THSD4: variants seen among roughly 807,000 people sequenced by gnomAD.
THSD4 encodes thrombospondin type-1 domain-containing protein 4.
Under a neutral mutation model 119.0 loss-of-function variants are expected in THSD4, and 69 were observed. The observed-to-expected ratio is 0.58, with a 90% CI of 0.48 to 0.71. THSD4 has a LOEUF of 0.71. Among genes scored for constraint, THSD4 ranks in the 30% least tolerant of loss-of-function variants. The pLI, the probability that THSD4 is intolerant of heterozygous loss-of-function variation, is 0.00. For synonymous variants in THSD4, 524 were observed against 540.4 expected, an observed-to-expected ratio of 0.97 and a Z score of 0.42; for missense variants, 1,393 against 1,391.1, an observed-to-expected ratio of 1.00 and a Z score of -0.02.
At chr15:71,574,962 T>C (rs7166967) in intron 7 of THSD4, among the ~76,000 whole-genome samples, 26,351 of 152,082 alleles carry the variant, frequency 0.17, 2,781 homozygotes, top group East Asian at 0.49. Context: ...CATTATAGTC[T>C]TCTGTGGAAT....
chr15:71,180,447 G>A (rs1045278196), intron 3 of THSD4, among the ~76,000 whole-genome samples: 5 of 152,130 alleles, frequency 3.3e-5, no homozygotes, highest in Non-Finnish European at 4.4e-5. Context: ...GGTTACCAAC[G>A]GCTACAAAAA....
intron 7 of THSD4, among the ~76,000 whole-genome samples, chr15:71,579,415 T>C (rs34865359): frequency 0.57 from 86,016 of 151,836 alleles, 28,149 homozygotes; most frequent in Non-Finnish European, 0.74. Context: ...GGAGTTCCGA[T>C]GAGAAAGGGA....
intron 1 of THSD4, among the ~76,000 whole-genome samples, chr15:71,104,572 A>G (rs1414015091): frequency 6.6e-6 from 1 of 152,228 alleles, no homozygotes; most frequent in Non-Finnish European, 1.5e-5. Flanking sequence ...ACCATGGCCT[A>G]GAGAACACAG....
intron 7 of THSD4, among the ~76,000 whole-genome samples, chr15:71,546,441 C>T (rs1349198170): frequency 6.6e-6 from 1 of 152,150 alleles, no homozygotes; most frequent in African/African-American, 2.4e-5. Flanking sequence ...TAGGAAGACC[C>T]TTTTCCCAGC....
intron 3 of THSD4, among the ~76,000 whole-genome samples, chr15:71,161,652 CT>C (rs748048483): frequency 2.8e-4 from 43 of 151,770 alleles, no homozygotes; most frequent in Non-Finnish European, 3.5e-4. Context: ...AGGTGAGTTT[CT>C]TTTAGGCACC....
intron 3 of THSD4, among the ~76,000 whole-genome samples, chr15:71,164,312 TA>T (rs1225987192): frequency 1.3e-5 from 2 of 149,762 alleles, no homozygotes; most frequent in Non-Finnish European, 3.0e-5. Flanking sequence ...ACAATACTAA[TA>T]AAAAAATTGT....
intron 7 of THSD4, among the ~76,000 whole-genome samples, chr15:71,648,746 T>C (rs2140976481): frequency 6.6e-6 from 1 of 152,206 alleles, no homozygotes; most frequent in East Asian, 1.9e-4. Context: ...GGTAGAGAAG[T>C]ATATGTAGCT....
At chr15:71,111,678 C>T (rs2141344621), upstream of THSD4, 2 of 550,994 alleles carry the variant, frequency 3.6e-6, no homozygotes, top group South Asian at 4.8e-5. Flanking sequence ...GATCCTGGTA[C>T]CTCCTTCAGA....
intron 8 of THSD4, among the ~76,000 whole-genome samples, chr15:71,719,019 T>C (rs2141108130): frequency 6.6e-6 from 1 of 152,328 alleles, no homozygotes; most frequent in South Asian, 2.1e-4. Context: ...TCATACAACA[T>C]TATTTGAGGC....
intron 6 of THSD4, among the ~76,000 whole-genome samples, chr15:71,302,546 TTGA>T (rs1271039592): frequency 2.0e-5 from 3 of 152,052 alleles, no homozygotes; most frequent in Non-Finnish European, 4.4e-5. Flanking sequence ...TCCACTTACT[TTGA>T]TTTTTCCAAG....
intron 6 of THSD4, among the ~76,000 whole-genome samples, chr15:71,286,464 C>T (rs1346543315): frequency 1.3e-5 from 2 of 152,196 alleles, no homozygotes; most frequent in Non-Finnish European, 2.9e-5. Flanking sequence ...CAGCTCCATC[C>T]ATGTCCCTGC....
intron 1 of THSD4, among the ~76,000 whole-genome samples, chr15:71,124,653 T>C (rs1257739567): frequency 6.6e-6 from 1 of 152,192 alleles, no homozygotes; most frequent in African/African-American, 2.4e-5. Flanking sequence ...AGGTAGTTAT[T>C]CTAGTGAATT....
intron 7 of THSD4, among the ~76,000 whole-genome samples, chr15:71,649,627 T>G (rs1350164808): frequency 6.6e-6 from 1 of 152,146 alleles, no homozygotes; most frequent in Non-Finnish European, 1.5e-5. Flanking sequence ...ATTTGCCAAT[T>G]TTTGCTTTTG....
chr15:71,458,001 T>C (rs1469196903), intron 7 of THSD4, among the ~76,000 whole-genome samples: 1 of 152,202 alleles, frequency 6.6e-6, no homozygotes, highest in Non-Finnish European at 1.5e-5. Flanking sequence ...CCAGAATCCT[T>C]TCCCAGAGGA....
At chr15:71,406,643 GGTGTGTGTGTGTGTGTGTGTGTGTGTGT>G (rs56347233) in intron 6 of THSD4, among the ~76,000 whole-genome samples, 4 of 126,194 alleles carry the variant, frequency 3.2e-5, no homozygotes, top group Non-Finnish European at 5.0e-5. Context: ...AGGTTTGTTT[GGTGTGTGTGTGTGTGTGTGTGTGTGTGT>G]GTGTGTGTGT....
Position 71,518,893 on chromosome 15 carries a change from A to C in THSD4, c.1152+107070A>C, listed in dbSNP as rs550718895. ...GGATTCCACAATGAACAATAAAGGC[A>C]ACACTCCTGATCTTATGGAGCATAT... is the stretch of plus-strand genomic sequence containing the variant. On this transcript the variant is annotated intron_variant, in intron 7 of 17. Coordinates refer to ENST00000261862, the MANE Select transcript of THSD4 (RefSeq NM_024817.3). Among the ~76,000 whole-genome samples, 330 of 152,324 alleles carry C rather than the reference A, an allele frequency of 2.2e-3. 10 individuals carry two copies. The South Asian group carries it at 0.065, about 30-fold the overall frequency.
chr15:71,282,757 C>T (rs1282224943), intron 6 of THSD4, among the ~76,000 whole-genome samples: 1 of 152,150 alleles, frequency 6.6e-6, no homozygotes, highest in African/African-American at 2.4e-5. Flanking sequence ...CTTACCAGAT[C>T]CATGAAGGCA....
intron 1 of THSD4, among the ~76,000 whole-genome samples, chr15:71,103,904 C>G (rs1018639473): frequency 6.6e-6 from 1 of 152,188 alleles, no homozygotes; most frequent in Non-Finnish European, 1.5e-5. Context: ...ACACTTCCAG[C>G]TTTATGGCTG....
chr15:71,520,311 G>A (rs1367310783), intron 7 of THSD4, among the ~76,000 whole-genome samples: 1 of 152,156 alleles, frequency 6.6e-6, no homozygotes, highest in African/African-American at 2.4e-5. Context: ...TTTTGATGGA[G>A]GTAAAGCTTG....
Sources: allele counts gnomAD v4.1 joint callset (sites outside exome capture counted in the v4.1 genomes callset), GRCh38; gene constraint gnomAD v4.1.1; transcripts MANE v1.5; gene names NCBI Gene and HGNC (gene_info 2026-07-23, HGNC 2026-07-21).